The following RBFOX1 variants were observed in gnomAD, a reference collection of about 807,000 sequenced individuals.
The protein encoded by RBFOX1 is RNA binding protein fox-1 homolog 1.
A neutral mutation model predicts 57.7 loss-of-function variants in RBFOX1; 8 were observed. The observed-to-expected ratio is 0.14, with a 90% CI of 0.08 to 0.25. The LOEUF (loss-of-function observed/expected upper bound fraction) is 0.25. Among genes scored for constraint, RBFOX1 ranks in the 10% least tolerant of loss-of-function variants. RBFOX1 has a pLI of 1.00. For missense variants in RBFOX1, 611 were observed against 548.5 expected (o/e 1.11, Z -1.14); for synonymous variants, 326 against 222.4 (o/e 1.47, Z -4.15).
intron 3 of RBFOX1, among the ~76,000 whole-genome samples, chr16:6,912,979 G>A (rs1037075873): frequency 2.6e-5 from 4 of 151,992 alleles, no homozygotes; most frequent in African/African-American, 9.7e-5. Context: ...TCATCTGGCT[G>A]TTACCCAACA....
At chr16:7,504,711 A>G (rs577262370) in intron 4 of RBFOX1, among the ~76,000 whole-genome samples, 1 of 3,334 alleles carries the variant, frequency 3.0e-4, no homozygotes, top group Non-Finnish European at 6.5e-4. Flanking sequence ...AAGTGAGATT[A>G]TATATATATA....
intron 1 of RBFOX1, among the ~76,000 whole-genome samples, chr16:5,434,926 G>A (rs1301673269): frequency 6.6e-6 from 1 of 152,082 alleles, no homozygotes; most frequent in East Asian, 1.9e-4. Context: ...ATTTAAGGCT[G>A]TAGCATTTCC....
intron 1 of RBFOX1, among the ~76,000 whole-genome samples, chr16:5,439,151 G>T (rs1015438057): frequency 6.6e-6 from 1 of 152,064 alleles, no homozygotes; most frequent in South Asian, 2.1e-4. Context: ...AGCAAGCAGG[G>T]TGGGATAAGG....
chr16:5,840,170 C>T (rs1432355548), intron 3 of RBFOX1, among the ~76,000 whole-genome samples: 1 of 152,158 alleles, frequency 6.6e-6, no homozygotes, highest in Non-Finnish European at 1.5e-5. Context: ...TAGAAAAAGA[C>T]CTGGACACTG....
intron 4 of RBFOX1, among the ~76,000 whole-genome samples, chr16:7,344,099 T>TA (rs2096948574): frequency 7.1e-6 from 1 of 141,678 alleles, no homozygotes; most frequent in Non-Finnish European, 1.5e-5. Context: ...ATCTCAGCTT[T>TA]ACTTTTTTTT....
intron 1 of RBFOX1, among the ~76,000 whole-genome samples, chr16:5,273,667 T>A (rs1476506006): frequency 6.6e-6 from 1 of 152,148 alleles, no homozygotes; most frequent in East Asian, 1.9e-4. Context: ...TGAGTTCGCA[T>A]GCATAGTGAA....
intron 3 of RBFOX1, among the ~76,000 whole-genome samples, chr16:7,049,661 G>A (rs527662365): frequency 2.6e-5 from 4 of 152,008 alleles, no homozygotes; most frequent in Non-Finnish European, 2.9e-5. Context: ...CTTATGTGGC[G>A]GTACTTTAAA....
chr16:6,462,893 C>A (rs1471890581), intron 2 of RBFOX1, among the ~76,000 whole-genome samples: 5 of 152,084 alleles, frequency 3.3e-5, no homozygotes, highest in African/African-American at 4.8e-5. Context: ...TATTTAGGTA[C>A]AATATTTGTT....
intron 3 of RBFOX1, chr16:5,610,693 A>T (rs890373953): frequency 1.1e-3 from 31 of 28,498 alleles, no homozygotes; most frequent in African/African-American, 1.5e-3. Context: ...TCAGAAAATT[A>T]AAAAAAAATT....
At chr16:6,575,321 C>G (rs1380661768) in intron 2 of RBFOX1, among the ~76,000 whole-genome samples, 1 of 152,004 alleles carries the variant, frequency 6.6e-6, no homozygotes, top group Admixed American at 6.6e-5. Context: ...TTTATATTTT[C>G]TTCAAATTTA....
At chr16:6,357,528 G>C (rs1261927463) in intron 2 of RBFOX1, among the ~76,000 whole-genome samples, 1 of 151,972 alleles carries the variant, frequency 6.6e-6, no homozygotes, top group East Asian at 1.9e-4. Context: ...TTTTTTACTA[G>C]GTGGAGGTCG....
At chr16:6,547,278 C>T (rs540672698) in intron 2 of RBFOX1, among the ~76,000 whole-genome samples, 4 of 152,098 alleles carry the variant, frequency 2.6e-5, no homozygotes, top group African/African-American at 4.8e-5. Context: ...TTACCAGCCC[C>T]GGCTGGTGAT....
chr16:5,532,708 C>T (rs191977912), intron 2 of RBFOX1, among the ~76,000 whole-genome samples: 1 of 152,290 alleles, frequency 6.6e-6, no homozygotes, highest in East Asian at 1.9e-4. Context: ...CATACCCAGG[C>T]CTGAGATCAG....
intron 4 of RBFOX1, among the ~76,000 whole-genome samples, chr16:7,121,139 C>A (rs1165014032): frequency 6.6e-6 from 1 of 152,010 alleles, no homozygotes; most frequent in African/African-American, 2.4e-5. Flanking sequence ...TGTCAACAAA[C>A]AACCCCACAG....
chr16:7,259,548 T>C (rs2094834117), intron 4 of RBFOX1, among the ~76,000 whole-genome samples: 1 of 151,162 alleles, frequency 6.6e-6, no homozygotes, highest in African/African-American at 2.4e-5. Flanking sequence ...AGATAGTCAG[T>C]ATAAATCTCC....
rs756364537 is a variant in RBFOX1, at chr16:5,239,970, C to T, written c.84C>T (p.Val28=). Residue 28 remains valine, a synonymous_variant, in exon 1 of 3, where the codon GTC becomes GTT. Transcript: ENST00000585867. ...GGCCCAGGAGGGAGGAGGACGACGT[C>T]CCTCCCGAAGAGAAGAGGCTGCGGC... The T allele has an allele frequency of 4.6e-6, 7 of 1,526,222 alleles. No individual in the cohort carries two copies. The South Asian group carries it at 8.4e-5, about 18-fold the overall frequency. 94.5% of individuals were successfully genotyped at this position (1,526,222 alleles called of 1,614,324 possible).
At chr16:6,964,929 G>A (rs933276333) in intron 3 of RBFOX1, among the ~76,000 whole-genome samples, 6 of 152,132 alleles carry the variant, frequency 3.9e-5, no homozygotes, top group South Asian at 4.1e-4. Context: ...CCATCTCTGC[G>A]GATTAAAGGA....
At chr16:6,348,432 A>C (rs2085741464) in intron 2 of RBFOX1, among the ~76,000 whole-genome samples, 1 of 152,180 alleles carries the variant, frequency 6.6e-6, no homozygotes, top group Admixed American at 6.5e-5. Flanking sequence ...CGTCAGGGGA[A>C]ATCTCTTTGC....
intron 1 of RBFOX1, among the ~76,000 whole-genome samples, chr16:6,288,159 C>G (rs2077085191): frequency 6.6e-6 from 1 of 152,092 alleles, no homozygotes; most frequent in South Asian, 2.1e-4. Flanking sequence ...ATTACTGTGT[C>G]TTAATAATGT....
Sources: allele counts gnomAD v4.1 joint callset (sites outside exome capture counted in the v4.1 genomes callset), GRCh38; gene constraint gnomAD v4.1.1; transcripts MANE v1.5; gene names NCBI Gene and HGNC (gene_info 2026-07-23, HGNC 2026-07-21).